The following ADNP2 variants were observed in gnomAD, a reference collection of about 807,000 sequenced individuals.
The protein encoded by ADNP2 is activity-dependent neuroprotector homeobox protein 2.
ADNP2 carries 8 observed loss-of-function variants against 16.4 expected under a neutral mutation model. The ratio of observed to expected loss-of-function variants is 0.49; its 90% confidence interval spans 0.29 to 0.88. The LOEUF (loss-of-function observed/expected upper bound fraction) is 0.88. Ranked by LOEUF, ADNP2 falls within the 40% of genes least tolerant of loss-of-function variation. The pLI is 0.09. For synonymous variants in ADNP2, 637 were observed against 545.8 expected (o/e 1.17, Z -2.33); for missense variants, 1,397 against 1,395.1 (o/e 1.00, Z -0.02).
intron 2 of ADNP2, among the ~76,000 whole-genome samples, chr18:80,131,469 A>G (rs2052495717): frequency 6.6e-6 from 1 of 152,220 alleles, no homozygotes; most frequent in Admixed American, 6.5e-5. Flanking sequence ...GTATTTAAAG[A>G]GTAAGAAAAA....
Position 80,117,557 on chromosome 18 carries a change from T to C in ADNP2, c.15T>C (p.Pro5=), listed in dbSNP as rs777776209. ...AAATTTCAAAAATGTTTCAAATTCC[T>C]GTGGAAAATCTTGACAACATCAGAA... MFQI[P]VENLDNIRKV... is the part of the protein sequence containing the mutation. The change falls in exon 2 of 4, where the codon CCT becomes CCC. Residue 5 remains proline (P), a synonymous_variant. Transcript: ENST00000262198. The C allele has an allele frequency of 6.3e-7, 1 of 1,592,226 alleles. No homozygotes were observed. The highest frequency in any genetic ancestry group is 8.5e-7 in the Non-Finnish European group (1 of 1,173,814).
chr18:80,136,991 C>G lies in ADNP2; in HGVS notation c.1578C>G (p.Val526=). The G allele has an allele frequency of 6.2e-7, 1 of 1,614,078 alleles. No homozygotes were observed. Among genetic ancestry groups the G allele is most frequent in the Non-Finnish European group, 8.5e-7 (1 of 1,179,980 alleles). Residue 526 remains valine (V), a synonymous_variant, in exon 4 of 4, where the codon GTC becomes GTG. Transcript: ENST00000262198. ...GGCTTCTTTCTCCCAACCAGACAGT[C>G]TCCTCCTCAGCTGTTGTGCCTGTAA... is the stretch of plus-strand genomic sequence containing the variant. ...PSGLLSPNQT[V]SSSAVVPVNQ...
intron 2 of ADNP2, among the ~76,000 whole-genome samples, chr18:80,132,668 CCCTCTT>C (rs1449766935): frequency 2.6e-5 from 3 of 113,986 alleles, no homozygotes; most frequent in Non-Finnish European, 5.4e-5. Context: ...CTCCTCTCTC[CCCTCTT>C]CCTCCCCTCT....
chr18:80,138,479 T>A lies in ADNP2; in HGVS notation c.3066T>A (p.Asn1022Lys), dbSNP rs2052558642. ...TTGTGCCTTTTAAAAGACAAAGGAA[T>A]GAAAGCAGAACAGAGGGACCTATTG... Reference protein sequence around the residue: ...TSVVPFKRQRNESRTEGPIVK... With the variant: ...TSVVPFKRQRKESRTEGPIVK... Residue 1022 changes from asparagine (N) to lysine (K), a missense_variant, in exon 4 of 4, where the codon AAT (asparagine) becomes AAA (lysine). This residue lies in a region of ADNP2 where 611 missense variants were observed against 648.7 expected (regional missense o/e 0.94). Transcript: ENST00000262198. The A allele has an allele frequency of 1.2e-6, 2 of 1,614,058 alleles. No homozygotes were observed. The highest frequency in any genetic ancestry group is 1.7e-6 in the Non-Finnish European group (2 of 1,180,006).
chr18:80,132,647 T>C (rs1355595189), intron 2 of ADNP2, among the ~76,000 whole-genome samples: 1 of 144,168 alleles, frequency 6.9e-6, no homozygotes, highest in Non-Finnish European at 1.5e-5. Context: ...TTTTTTTCTC[T>C]CTCTCACTCT....
chr18:80,116,938 C>T (rs1251764357), intron 1 of ADNP2, among the ~76,000 whole-genome samples: 1 of 152,216 alleles, frequency 6.6e-6, no homozygotes, highest in Non-Finnish European at 1.5e-5. Flanking sequence ...AGCCACTGTT[C>T]CCTGCCTGAG....
At chr18:80,124,304 G>C (rs967509531) in intron 2 of ADNP2, among the ~76,000 whole-genome samples, 1 of 152,108 alleles carries the variant, frequency 6.6e-6, no homozygotes, top group African/African-American at 2.4e-5. Flanking sequence ...CTTTATGGCA[G>C]CTCTAGCCCC....
chr18:80,125,243 G>T (rs947569353), intron 2 of ADNP2, among the ~76,000 whole-genome samples: 2 of 152,276 alleles, frequency 1.3e-5, no homozygotes, highest in African/African-American at 2.4e-5. Flanking sequence ...GTTTATTGGC[G>T]CCAGGTGCAA....
At chr18:80,133,570 G>A (rs545691010) in intron 3 of ADNP2, 2 of 191,202 alleles carry the variant, frequency 1.0e-5, no homozygotes, top group South Asian at 1.0e-4. Context: ...GTAGACCTCT[G>A]AATCAAGGAA....
At chr18:80,131,970 T>C (rs2052499760) in intron 2 of ADNP2, among the ~76,000 whole-genome samples, 1 of 152,196 alleles carries the variant, frequency 6.6e-6, no homozygotes, top group African/African-American at 2.4e-5. Context: ...CTATTCACAA[T>C]AGCAAAGACT....
At position 80,138,344 on chromosome 18, in the gene ADNP2, G is replaced by A. The variant is rs1354377202; in HGVS notation, c.2931G>A (p.Lys977=). ...TGCATGATTCCAGTTTTTCTGTTAA[G>A]AGAAAGCTGCCTGACGGCCACTTAG... ...EVMHDSSFSV[K]RKLPDGHLGA... The change falls in exon 4 of 4, where the codon AAG becomes AAA. Residue 977 remains lysine, a synonymous_variant. Transcript: ENST00000262198. 6.2e-7 allele frequency: 1 copy of A among 1,614,144 alleles called. No individual in the cohort carries two copies. The highest frequency in any genetic ancestry group is 8.5e-7 in the Non-Finnish European group (1 of 1,180,046).
chr18:80,119,413 CAAAAAAA>C (rs5826687), intron 2 of ADNP2, among the ~76,000 whole-genome samples: 4 of 113,686 alleles, frequency 3.5e-5, no homozygotes, highest in African/African-American at 1.5e-4. Flanking sequence ...GACTCCGTCT[CAAAAAAA>C]AAAAAAAAAA....
At chr18:80,127,760 G>A (rs2052470141) in intron 2 of ADNP2, among the ~76,000 whole-genome samples, 1 of 152,214 alleles carries the variant, frequency 6.6e-6, no homozygotes, top group Admixed American at 6.5e-5. Flanking sequence ...GAGTGGGTCT[G>A]GAGAGCCTGG....
rs553697059 is a variant in ADNP2 at position 80,137,792 on chromosome 18, C to A, written c.2379C>A (p.His793Gln). 1 of 1,614,170 alleles carries A rather than the reference C, an allele frequency of 6.2e-7. No individual in the cohort carries two copies. The highest frequency in any genetic ancestry group is 1.7e-5 in the Admixed American group (1 of 60,034). The change falls in exon 4 of 4, where the codon CAC (histidine) becomes CAA (glutamine). Residue 793 changes from histidine (H) to glutamine (Q), a missense_variant. By Grantham distance (24) the His-to-Gln change is conservative. This residue lies in a region of ADNP2 where 611 missense variants were observed against 648.7 expected (regional missense o/e 0.94). Coordinates refer to ENST00000262198, the MANE Select transcript of ADNP2 (RefSeq NM_014913.4). The surrounding 1 kb of genome is among the most constrained non-coding windows in gnomAD (Gnocchi z 4.2). ...KGLSEHSRNRHLGKKKLPMDY... is the reference protein window; with the variant it reads ...KGLSEHSRNRQLGKKKLPMDY... Reference sequence around the variant, plus strand: ...TTTCAGAGCACAGCAGGAATAGGCACCTGGGGAAGAAGAAGTTGCCTATGG... The same window carrying A: ...TTTCAGAGCACAGCAGGAATAGGCAACTGGGGAAGAAGAAGTTGCCTATGG...
intron 2 of ADNP2, among the ~76,000 whole-genome samples, chr18:80,126,994 G>T (rs1490285844): frequency 6.6e-6 from 1 of 152,132 alleles, no homozygotes; most frequent in Non-Finnish European, 1.5e-5. Context: ...TCGTGTCATC[G>T]CATGCCACCA....
intron 2 of ADNP2, among the ~76,000 whole-genome samples, chr18:80,117,889 T>C (rs1034419232): frequency 6.6e-6 from 1 of 152,218 alleles, no homozygotes; most frequent in Non-Finnish European, 1.5e-5. Context: ...AAAATTGTTT[T>C]TGATGTTTGA....
At chr18:80,130,074 T>C (rs757119518) in intron 2 of ADNP2, among the ~76,000 whole-genome samples, 2 of 152,206 alleles carry the variant, frequency 1.3e-5, no homozygotes, top group Non-Finnish European at 1.5e-5. Flanking sequence ...TTTTCTGACT[T>C]TCTTGAGCAC....
At chr18:80,128,985 A>G (rs970903647) in intron 2 of ADNP2, among the ~76,000 whole-genome samples, 1 of 149,826 alleles carries the variant, frequency 6.7e-6, no homozygotes, top group Admixed American at 6.6e-5. Context: ...TTGATTAGCT[A>G]TTTTACCACT....
intron 2 of ADNP2, among the ~76,000 whole-genome samples, chr18:80,131,987 C>A (rs571901273): frequency 6.6e-6 from 1 of 152,258 alleles, no homozygotes; most frequent in South Asian, 2.1e-4. Flanking sequence ...GACTTGGAAC[C>A]AACCCAGATG....
Sources: allele counts gnomAD v4.1 joint callset (sites outside exome capture counted in the v4.1 genomes callset), GRCh38; gene constraint gnomAD v4.1.1; regional missense constraint gnomAD v4.1.1; non-coding constraint Gnocchi (gnomAD v3.1); transcripts MANE v1.5; gene names NCBI Gene and HGNC (gene_info 2026-07-23, HGNC 2026-07-21).